NOC3L: variants seen among roughly 807,000 people sequenced by gnomAD.
NOC3L encodes nucleolar complex protein 3 homolog.
Under a neutral mutation model 102.5 loss-of-function variants are expected in NOC3L, and 85 were observed. The observed-to-expected ratio is 0.83, with a 90% confidence interval of 0.70 to 0.99. NOC3L has a LOEUF of 0.99. NOC3L is among the 50% of genes least tolerant of loss of function. The probability of loss-of-function intolerance (pLI) is 0.00; values close to 1 mark genes in which losing one functional copy is unlikely to be tolerated. For missense variants in NOC3L, 878 were observed against 914.9 expected (o/e 0.96, Z 0.52); for synonymous variants, 303 against 309.4 (o/e 0.98, Z 0.22).
chr10:94,349,795 A>G (rs2054392965), intron 9 of NOC3L, among the ~76,000 whole-genome samples: 1 of 152,018 alleles, frequency 6.6e-6, no homozygotes, highest in Admixed American at 6.6e-5. Flanking sequence ...GTCTCGCTCT[A>G]TTGCCCAGGC....
At chr10:94,353,121 A>G in intron 6 of NOC3L, 64 bp from the exon 7 acceptor site, 1 of 1,345,230 alleles carries the variant, frequency 7.4e-7, no homozygotes, top group Non-Finnish European at 1.0e-6. Flanking sequence ...ACAAAAGACA[A>G]CAGCCCCACA....
At position 94,340,468 on chromosome 10, in the gene NOC3L, C is replaced by T. The variant is rs2054269036; in HGVS notation, c.1673G>A (p.Cys558Tyr). The T allele has an allele frequency of 2.2e-5, 33 of 1,516,334 alleles. No homozygotes were observed. The highest frequency in any genetic ancestry group is 3.0e-5 in the Non-Finnish European group (33 of 1,113,576). The allele number at this position is 1,516,334 out of a possible 1,614,324, so 93.9% of individuals were successfully genotyped here. ...AAGAATATGAAAAGCAGTCTGGACA[C>T]AGTGAAGACTTTCTTGATAGCTTAG... ...GDLSYQESLH[C>Y]VQTAFHILSG... The change falls in exon 15 of 21, where the codon TGT becomes TAT. Residue 558 changes from cysteine (C) to tyrosine (Y), a missense_variant. By Grantham distance (194) the Cys-to-Tyr change is radical (BLOSUM62 -2). Transcript: ENST00000371361.
At chr10:94,355,742 A>T (rs1246997380) in intron 5 of NOC3L, among the ~76,000 whole-genome samples, 2 of 152,184 alleles carry the variant, frequency 1.3e-5, no homozygotes, top group Non-Finnish European at 2.9e-5. Flanking sequence ...ATTCATATTA[A>T]TTAACAAATA....
At position 94,362,906 on chromosome 10, in the gene NOC3L, G is replaced by C; in HGVS notation, c.-68C>G. On this transcript the variant is annotated 5_prime_UTR_variant, in exon 1 of 21. Coordinates refer to ENST00000371361, the MANE Select transcript of NOC3L (RefSeq NM_022451.11). ...AGCAGGGTTACTACAGAAATCCCGG[G>C]GAATGACACACGTGCCGAAGTCCCT... 6.2e-7 allele frequency: 1 copy of C among 1,613,202 alleles called. No homozygotes were observed. The highest frequency in any genetic ancestry group is 8.5e-7 in the Non-Finnish European group (1 of 1,179,564).
In NOC3L at chr10:94,358,106, A is replaced by G; in HGVS notation, c.327T>C (p.Phe109=). ...LMKDLGQRVS[F]LTRDLSSSEP... ...ACCTAGAAGAAAGATCTCTTGTTAG[A>G]AAAGATACTCTTTGTCCTAAATCCT... The change falls in exon 3 of 21, where the codon TTT becomes TTC. Residue 109 remains phenylalanine, a synonymous_variant. Transcript: ENST00000371361. The G allele has an allele frequency of 6.2e-7, 1 of 1,602,236 alleles. No homozygotes were observed. Among genetic ancestry groups the G allele is most frequent in the Non-Finnish European group, 8.5e-7 (1 of 1,169,640 alleles).
At chr10:94,357,471 G>A (rs1469914525) in intron 3 of NOC3L, 140 bp from the exon 4 acceptor site, 6 of 514,258 alleles carry the variant, frequency 1.2e-5, no homozygotes, top group Admixed American at 8.5e-5. Flanking sequence ...CTAGTGTCTG[G>A]CACATAGCAG....
intron 6 of NOC3L, among the ~76,000 whole-genome samples, chr10:94,353,488 C>A (rs1301611297): frequency 6.6e-6 from 1 of 152,040 alleles, no homozygotes; most frequent in East Asian, 1.9e-4. Flanking sequence ...ACATGAACTA[C>A]CAGAGTGAGA....
intron 3 of NOC3L, chr10:94,357,860 C>G: frequency 2.0e-6 from 1 of 497,348 alleles, no homozygotes; most frequent in Non-Finnish European, 3.6e-6. Context: ...TTCCCCCATT[C>G]ACTCTACTTG....
chr10:94,316,130 C>T, the NOC3L span, among the ~76,000 whole-genome samples: 1 of 152,112 alleles, frequency 6.6e-6, no homozygotes, highest in Non-Finnish European at 1.5e-5. Context: ...GAACCTAGCC[C>T]TACAAACCTT....
At chr10:94,344,379 A>C in intron 13 of NOC3L, 36 bp downstream of exon 13, 1 of 1,372,984 alleles carries the variant, frequency 7.3e-7, no homozygotes, top group Non-Finnish European at 1.0e-6. Flanking sequence ...CCTATTTAGA[A>C]GGAATCTAAA....
chr10:94,343,459 T>A (rs538416153), intron 13 of NOC3L, among the ~76,000 whole-genome samples: 1 of 152,358 alleles, frequency 6.6e-6, no homozygotes, highest in East Asian at 1.9e-4. Flanking sequence ...TGAAGATTTT[T>A]AACCACAAGG....
At chr10:94,350,031 T>A in intron 9 of NOC3L, 82 bp downstream of exon 9, 1 of 1,357,774 alleles carries the variant, frequency 7.4e-7, no homozygotes, top group African/African-American at 1.4e-5. Context: ...GTGCTGGGAT[T>A]ACAGGTGTGA....
At chr10:94,322,954 C>T in the NOC3L span, among the ~76,000 whole-genome samples, 1 of 152,124 alleles carries the variant, frequency 6.6e-6, no homozygotes. Flanking sequence ...CAGACCCTGT[C>T]TCAAACAAAA....
chr10:94,345,649 T>C (rs1460301637), intron 11 of NOC3L, among the ~76,000 whole-genome samples: 1 of 152,190 alleles, frequency 6.6e-6, no homozygotes, highest in African/African-American at 2.4e-5. Context: ...ATTAGGATAG[T>C]ATAATATAAA....
the NOC3L span, chr10:94,322,175 A>C: frequency 4.2e-6 from 4 of 962,272 alleles, no homozygotes; most frequent in South Asian, 1.4e-5. Flanking sequence ...CAGGGACCTC[A>C]AAGGGGAGTG....
intron 8 of NOC3L, among the ~76,000 whole-genome samples, chr10:94,351,945 A>G (rs1022151008): frequency 2.0e-5 from 3 of 152,166 alleles, no homozygotes; most frequent in Admixed American, 1.3e-4. Context: ...AAATACAACT[A>G]CTTACTAAAA....
chr10:94,345,027 G>T, intron 11 of NOC3L, 94 bp from the exon 12 acceptor site: 2 of 756,126 alleles, frequency 2.6e-6, no homozygotes, highest in Non-Finnish European at 4.3e-6. Context: ...AACACATACA[G>T]TAATACCACA....
In NOC3L at chr10:94,361,790, T is replaced by G. The variant is rs750913416; in HGVS notation, c.92A>C (p.Lys31Thr). The change falls in exon 2 of 21, where the codon AAG becomes ACG. Residue 31 changes from lysine to threonine, a missense_variant. Transcript: ENST00000371361. ...GAGAGTGCTTTGTTGTTTAAACTGC[T>G]TATTTTTTAGCTTGTTTTCAAGTTT... is the stretch of plus-strand genomic sequence containing the variant. Reference protein sequence around the residue: ...KVKLENKLKNKQFKQQSTLKK... With the variant: ...KVKLENKLKNTQFKQQSTLKK... 6.2e-7 allele frequency: 1 copy of G among 1,614,004 alleles called. No homozygotes were observed. Among genetic ancestry groups the G allele is most frequent in the East Asian group, 2.2e-5 (1 of 44,872 alleles).
chr10:94,350,339 T>C (rs2054399901), intron 8 of NOC3L, 51 bp from the exon 9 acceptor site: 1 of 1,508,216 alleles, frequency 6.6e-7, no homozygotes, highest in Non-Finnish European at 9.2e-7. Context: ...AAAGTTAAAC[T>C]AATTGGCTTT....
Sources: allele counts gnomAD v4.1 joint callset (sites outside exome capture counted in the v4.1 genomes callset), GRCh38; gene constraint gnomAD v4.1.1; transcripts MANE v1.5; gene names NCBI Gene and HGNC (gene_info 2026-07-23, HGNC 2026-07-21).